FGF13: variants seen among roughly 807,000 people sequenced by gnomAD.
FGF13 encodes fibroblast growth factor homologous factor 2.
Under a neutral mutation model 19.5 loss-of-function variants are expected in FGF13, and 2 were observed. The ratio of observed to expected loss-of-function variants is 0.10; its 90% confidence interval spans 0.04 to 0.32. The LOEUF is 0.32. FGF13 is among the 10% of genes least tolerant of loss of function. The pLI, the probability that FGF13 is intolerant of heterozygous loss-of-function variation, is 1.00. For synonymous variants in FGF13, 72 were observed against 76.9 expected (o/e 0.94, Z 0.33); for missense variants, 113 against 192.7 (o/e 0.59, Z 2.45).
At chrX:139,125,107 C>T (rs1459166572) in intron 1 of FGF13, among the ~76,000 whole-genome samples, 1 of 111,330 alleles carries the variant, frequency 9.0e-6, no homozygotes, top group African/African-American at 3.3e-5. Flanking sequence ...CAAATGTTCA[C>T]GACATGGAAC....
intron 1 of FGF13, among the ~76,000 whole-genome samples, chrX:139,053,116 A>G (rs2092308127): frequency 2.8e-5 from 3 of 108,353 alleles, no homozygotes; most frequent in South Asian, 4.1e-4. Context: ...TTGGCTTCCC[A>G]TTCCTGAGTT....
At chrX:139,141,084 GAT>G (rs2083840860) in intron 1 of FGF13, among the ~76,000 whole-genome samples, 1 of 100,606 alleles carries the variant, frequency 9.9e-6, no homozygotes, top group Non-Finnish European at 2.0e-5. Flanking sequence ...TAGATAGATA[GAT>G]AGATAGATAA....
At chrX:139,200,782 A>T (rs2148283658) in intron 1 of FGF13, among the ~76,000 whole-genome samples, 1 of 112,771 alleles carries the variant, frequency 8.9e-6, no homozygotes, top group African/African-American at 3.2e-5. Context: ...TATCTATAGC[A>T]GCCTACAAGA....
chrX:138,780,092 T>C (rs1261380634), intron 3 of FGF13, among the ~76,000 whole-genome samples: 115 of 106,577 alleles, frequency 1.1e-3, no homozygotes, highest in African/African-American at 3.8e-3. Flanking sequence ...AGAAATAAAA[T>C]ACTTCACAGA....
chrX:138,695,010 C>CACAG (rs2089881290), intron 3 of FGF13, among the ~76,000 whole-genome samples: 1 of 107,548 alleles, frequency 9.3e-6, no homozygotes, highest in African/African-American at 3.4e-5. Context: ...CACACACACA[C>CACAG]ACACACACAC....
chrX:138,652,783 A>C (rs1032653427), intron 3 of FGF13, among the ~76,000 whole-genome samples: 4 of 112,268 alleles, frequency 3.6e-5, no homozygotes, highest in African/African-American at 1.3e-4. Flanking sequence ...GCAAGATGAA[A>C]GGAAACAGCT....
chrX:138,858,551 C>T (rs1175265751), intron 2 of FGF13, among the ~76,000 whole-genome samples: 1 of 111,563 alleles, frequency 9.0e-6, no homozygotes, highest in African/African-American at 3.3e-5. Context: ...AAACAGGGAA[C>T]TGACCCCAGC....
intron 3 of FGF13, among the ~76,000 whole-genome samples, chrX:138,641,031 C>T (rs1352638803): frequency 8.9e-6 from 1 of 112,101 alleles, no homozygotes; most frequent in Non-Finnish European, 1.9e-5. Context: ...GTTGTCCATA[C>T]ATAAAATGGG....
intron 1 of FGF13, among the ~76,000 whole-genome samples, chrX:139,172,218 C>A (rs776440298): frequency 8.9e-6 from 1 of 111,781 alleles, no homozygotes; most frequent in African/African-American, 3.2e-5. Context: ...TGTTTTAACT[C>A]GTAAATATCA....
In FGF13 at chrX:139,000,916, A is replaced by G. The variant is rs925752984; in HGVS notation, c.-112-136266T>C. On this transcript the variant is annotated intron_variant, in intron 1 of 2. Coordinates refer to the FGF13 transcript ENST00000421460. ...AAAAGAACAAAGCTGGAGGCATCAC[A>G]CTACCTGACTTCAAACTATACTACA... 6.3e-5 allele frequency among the ~76,000 whole-genome samples: 7 copies of G among 111,830 alleles called. No homozygotes were observed. In the South Asian group the frequency reaches 2.3e-3, roughly 36 times the overall value.
At chrX:139,165,361 C>T (rs886733410) in intron 1 of FGF13, among the ~76,000 whole-genome samples, 5 of 111,641 alleles carry the variant, frequency 4.5e-5, no homozygotes, top group Non-Finnish European at 7.5e-5. Flanking sequence ...AAGAGAGTAG[C>T]GGAACAGAAA....
chrX:138,712,164 G>C (rs1277871663), upstream of FGF13: 1 of 111,421 alleles, frequency 9.0e-6, no homozygotes, highest in Non-Finnish European at 1.9e-5. Context: ...GGCGACACTT[G>C]TAGCCATTCA....
Position 138,621,573 on chromosome X carries a change from A to G in FGF13, c.*11277T>C, listed in dbSNP as rs762297702. On this transcript the variant is annotated 3_prime_UTR_variant, in exon 5 of 5. Coordinates refer to ENST00000315930, the MANE Select transcript of FGF13 (RefSeq NM_004114.5). ...TATAAAAGAACCATAAACTAATCCC[A>G]AAGTCGGAAGAAGGAATGAAGTAAA... 10 of 111,461 alleles carry G rather than the reference A, an allele frequency of 9.0e-5. No individual in the cohort carries two copies. Among genetic ancestry groups the G allele is most frequent in the Non-Finnish European group, 1.3e-4 (7 of 53,015 alleles). The allele number at this position is 111,461 out of a possible 1,213,427, so 9.2% of individuals were successfully genotyped here.
At position 138,877,729 on chromosome X, in the gene FGF13, T is replaced by A. The variant is rs150823509; in HGVS notation, c.-112-13079A>T. Among the ~76,000 whole-genome samples, 879 of 112,696 alleles carry A rather than the reference T, an allele frequency of 7.8e-3. 12 individuals are homozygous for A. Among genetic ancestry groups the A allele is most frequent in the African/African-American group, 0.027 (852 of 31,066 alleles). On this transcript the variant is annotated intron_variant, in intron 1 of 2. Coordinates refer to the FGF13 transcript ENST00000421460. ...TTAGCATAATGTCTTCAAGCTTTAT[T>A]CATGTTGTAGCATGTATCAGAACTT...
intron 3 of FGF13, among the ~76,000 whole-genome samples, chrX:138,846,185 TTG>T (rs200911113): frequency 0.051 from 4,887 of 96,398 alleles, 198 homozygotes; most frequent in African/African-American, 0.12. Context: ...ATGTGTCCAT[TTG>T]TGTGTGTGTG....
At chrX:138,873,020 T>A (rs968638053) in intron 1 of FGF13, among the ~76,000 whole-genome samples, 5 of 110,868 alleles carry the variant, frequency 4.5e-5, no homozygotes, top group Admixed American at 9.5e-5. Flanking sequence ...TGTTTGCAAC[T>A]TAGACAGGGG....
intron 3 of FGF13, among the ~76,000 whole-genome samples, chrX:138,673,563 A>G (rs748043608): frequency 8.1e-5 from 9 of 111,553 alleles, no homozygotes; most frequent in Non-Finnish European, 1.5e-4. Flanking sequence ...AAAGACTGTC[A>G]GTTTGGGTTT....
chrX:138,984,665 G>T (rs2091985418), intron 1 of FGF13, among the ~76,000 whole-genome samples: 1 of 31,662 alleles, frequency 3.2e-5, no homozygotes, highest in East Asian at 1.0e-3. Flanking sequence ...AGGAGAAGGA[G>T]GAGAAGGTGA....
At chrX:138,999,149 C>A (rs906103566) in intron 1 of FGF13, among the ~76,000 whole-genome samples, 1 of 111,816 alleles carries the variant, frequency 8.9e-6, no homozygotes, top group Non-Finnish European at 1.9e-5. Flanking sequence ...AGAACAAAGA[C>A]AAAATGTATC....
Sources: gnomAD v4.1 joint callset for allele counts (sites outside exome capture counted in the v4.1 genomes callset) on GRCh38, gnomAD v4.1.1 for gene constraint, MANE v1.5 for transcripts, NCBI Gene and HGNC (gene_info 2026-07-23, HGNC 2026-07-21) for gene names.